RBMS1: variants seen among roughly 807,000 people sequenced by gnomAD.
RBMS1 encodes RNA binding motif single stranded interacting protein 1, also known as RNA-binding motif, single-stranded-interacting protein 1.
Under a neutral mutation model 62.3 loss-of-function variants are expected in RBMS1, and 17 were observed. The observed-to-expected ratio is 0.27, with a 90% CI of 0.19 to 0.41. The LOEUF (loss-of-function observed/expected upper bound fraction) is 0.41, where lower values mean the gene tolerates loss of function less well. Ranked by LOEUF, RBMS1 falls within the 10% of genes least tolerant of loss-of-function variation. The pLI is 1.00. For missense variants in RBMS1, 334 were observed against 504.5 expected, an observed-to-expected ratio of 0.66 and a Z score of 3.24; for synonymous variants, 172 against 170.0, an observed-to-expected ratio of 1.01 and a Z score of -0.09.
At chr2:160,396,814 C>G (rs925772643) in intron 1 of RBMS1, among the ~76,000 whole-genome samples, 2 of 152,106 alleles carry the variant, frequency 1.3e-5, no homozygotes, top group African/African-American at 2.4e-5. Flanking sequence ...CCGCCCACCT[C>G]GGACTCCCAA....
In RBMS1 at chr2:160,451,902, G is replaced by A. The variant is rs188479976; in HGVS notation, c.75+41387C>T. ...TGGGATTACAGGCATGAGGCACCGC[G>A]CCTGGCCAATGCAGCAGTATCTTAA... On this transcript the variant is annotated intron_variant, in intron 1 of 13. Transcript: ENST00000348849. 5.3e-5 allele frequency among the ~76,000 whole-genome samples: 8 copies of A among 152,186 alleles called. No individual in the cohort carries two copies. The South Asian group carries it at 1.0e-3, about 20-fold the overall frequency.
At chr2:160,452,837 A>C (rs894861551) in intron 1 of RBMS1, among the ~76,000 whole-genome samples, 8 of 152,358 alleles carry the variant, frequency 5.3e-5, no homozygotes, top group African/African-American at 1.9e-4. Context: ...CGAGTATGAT[A>C]AAAGTCTCCC....
chr2:160,480,164 A>C (rs1247654470), intron 1 of RBMS1, among the ~76,000 whole-genome samples: 1 of 152,162 alleles, frequency 6.6e-6, no homozygotes, highest in Non-Finnish European at 1.5e-5. Flanking sequence ...CCTCCAAAAA[A>C]AACTAATTTT....
intron 4 of RBMS1, among the ~76,000 whole-genome samples, chr2:160,312,537 C>T (rs1438541258): frequency 2.6e-5 from 4 of 152,182 alleles, no homozygotes; most frequent in East Asian, 1.9e-4. Context: ...CTAAAATATG[C>T]TAAAAGTTCA....
rs570043271 is a variant in RBMS1 at position 160,323,086 on chromosome 2, T to C, written c.252-4859A>G. 3.9e-5 allele frequency among the ~76,000 whole-genome samples: 6 copies of C among 152,214 alleles called. No homozygotes were observed. In the South Asian group the frequency reaches 1.2e-3, roughly 32 times the overall value. ...ATCTAATTCTGTTGTCAATCACCAA[T>C]GCCTGTAAGAGTAACAGACATCTGG... is the stretch of plus-strand genomic sequence containing the variant. On this transcript the variant is annotated intron_variant, in intron 2 of 13. Coordinates refer to ENST00000348849, the MANE Select transcript of RBMS1 (RefSeq NM_016836.4).
intron 13 of RBMS1, 24 bp downstream of exon 13, chr2:160,275,606 G>T (rs1038110666): frequency 1.2e-6 from 2 of 1,610,378 alleles, no homozygotes; most frequent in African/African-American, 2.7e-5. Context: ...GAGCCCCCCA[G>T]TTATGAAGAC....
rs1694905661 is a variant in RBMS1 at position 160,392,312 on chromosome 2, TG to T, written c.76-24922del. Among the ~76,000 whole-genome samples, 4 of 152,212 alleles carry T rather than the reference TG, an allele frequency of 2.6e-5. No homozygotes were observed. In the South Asian group the frequency reaches 8.3e-4, roughly 32 times the overall value. ...TCAAACACTGCCTGCAGCTGGCTTT[TG>T]TATTTAAAGTTTTATTGAAACACAA... On this transcript the variant is annotated intron_variant, in intron 1 of 13. Coordinates refer to ENST00000348849, the MANE Select transcript of RBMS1 (RefSeq NM_016836.4).
rs1046644289 is a variant in RBMS1 at position 160,289,288 on chromosome 2, T to G, written c.641-2204A>C. Among the ~76,000 whole-genome samples, 56 of 152,362 alleles carry G rather than the reference T, an allele frequency of 3.7e-4. 1 individual carries two copies. The highest frequency in any genetic ancestry group is 1.1e-3 in the Admixed American group (17 of 15,298). On this transcript the variant is annotated intron_variant, in intron 6 of 13. Transcript: ENST00000348849. ...TTTACTACATGATTCTATGCTGTCA[T>G]TAAGCTATTTTTTCCCCGCTAAAAG...
chr2:160,487,381 G>A (rs1253540099), intron 1 of RBMS1, among the ~76,000 whole-genome samples: 1 of 152,182 alleles, frequency 6.6e-6, no homozygotes, highest in East Asian at 1.9e-4. Flanking sequence ...AATATTCTGT[G>A]CTTATTTCTT....
At chr2:160,355,300 C>T (rs1692736740) in intron 2 of RBMS1, among the ~76,000 whole-genome samples, 2 of 152,090 alleles carry the variant, frequency 1.3e-5, no homozygotes, top group South Asian at 4.1e-4. Context: ...GAAGATTCAA[C>T]AGCCTGGAAT....
At chr2:160,296,232 T>TA (rs1317298628) in intron 6 of RBMS1, among the ~76,000 whole-genome samples, 1 of 151,794 alleles carries the variant, frequency 6.6e-6, no homozygotes, top group Non-Finnish European at 1.5e-5. Context: ...AATACTAACT[T>TA]AAAAAACAAA....
chr2:160,317,294 C>A (rs971465767), intron 3 of RBMS1, among the ~76,000 whole-genome samples: 1 of 152,172 alleles, frequency 6.6e-6, no homozygotes, highest in African/African-American at 2.4e-5. Context: ...GCCACTGCCC[C>A]GTCACCACTA....
At chr2:160,301,599 C>G (rs967716262) in intron 5 of RBMS1, among the ~76,000 whole-genome samples, 2 of 152,196 alleles carry the variant, frequency 1.3e-5, no homozygotes, top group Non-Finnish European at 2.9e-5. Flanking sequence ...TGATGCTGAG[C>G]TATTCAGTGA....
intron 5 of RBMS1, 84 bp downstream of exon 5, chr2:160,303,246 C>T: frequency 7.2e-7 from 1 of 1,389,418 alleles, no homozygotes; most frequent in South Asian, 1.4e-5. Flanking sequence ...CTGAAACTGT[C>T]TCTTCTTAGT....
chr2:160,407,983 C>T (rs1695853039), intron 1 of RBMS1: 2 of 929,926 alleles, frequency 2.2e-6, no homozygotes, highest in Non-Finnish European at 2.6e-6. Flanking sequence ...CCTCCCCGCC[C>T]GCCCGCTGGG....
At chr2:160,287,161 G>A (rs1688443023) in intron 6 of RBMS1, 77 bp from the exon 7 acceptor site, 2 of 1,576,330 alleles carry the variant, frequency 1.3e-6, no homozygotes, top group Admixed American at 3.4e-5. Flanking sequence ...ACAAAAATAG[G>A]AATAGTGTTC....
intron 4 of RBMS1, 127 bp from the exon 5 acceptor site, chr2:160,303,614 C>T: frequency 1.0e-6 from 1 of 980,618 alleles, no homozygotes; most frequent in Non-Finnish European, 1.5e-6. Flanking sequence ...CCTCAGAACA[C>T]CAAAGTCACC....
chr2:160,306,243 G>A (rs1411954282), intron 4 of RBMS1, among the ~76,000 whole-genome samples: 1 of 152,008 alleles, frequency 6.6e-6, no homozygotes, highest in Non-Finnish European at 1.5e-5. Flanking sequence ...TTTTTAGAAG[G>A]GGATCGACAA....
intron 1 of RBMS1, among the ~76,000 whole-genome samples, chr2:160,424,096 G>A (rs1438054590): frequency 6.7e-6 from 1 of 149,622 alleles, no homozygotes; most frequent in Non-Finnish European, 1.5e-5. Context: ...TCAGCTCACT[G>A]TAACCTCCGC....
Sources: gnomAD v4.1 joint callset for allele counts (sites outside exome capture counted in the v4.1 genomes callset) on GRCh38, gnomAD v4.1.1 for gene constraint, MANE v1.5 for transcripts, NCBI Gene and HGNC (gene_info 2026-07-23, HGNC 2026-07-21) for gene names.